GABRB1: variants seen among roughly 807,000 people sequenced by gnomAD.
The protein encoded by GABRB1 is gamma-aminobutyric acid type A receptor subunit beta1.
In GABRB1, 17 loss-of-function variants were observed where a neutral mutation model predicts 51.6. The observed-to-expected ratio is 0.33, with a 90% CI of 0.23 to 0.49. The LOEUF (loss-of-function observed/expected upper bound fraction) is 0.49. GABRB1 is among the 20% of genes least tolerant of loss of function. The pLI is 0.99. For missense variants in GABRB1, 410 were observed against 600.6 expected (o/e 0.68, Z 3.32); for synonymous variants, 247 against 218.9 (o/e 1.13, Z -1.14).
chr4:47,313,362 T>A (rs1485712629), intron 4 of GABRB1, among the ~76,000 whole-genome samples: 1 of 152,160 alleles, frequency 6.6e-6, no homozygotes, highest in African/African-American at 2.4e-5. Flanking sequence ...AAAGACAGAA[T>A]TAACAATTCA....
chr4:47,034,392 A>G lies in GABRB1; in HGVS notation c.240+1908A>G, dbSNP rs904502377. Among the ~76,000 whole-genome samples, 11 of 152,266 alleles carry G rather than the reference A, an allele frequency of 7.2e-5. No homozygotes were observed. The East Asian group carries it at 2.1e-3, about 29-fold the overall frequency. On this transcript the variant is annotated intron_variant, in intron 3 of 8. Coordinates refer to ENST00000295454, the MANE Select transcript of GABRB1 (RefSeq NM_000812.4). The stretch of plus-strand genomic sequence containing the variant: ...TCAGAACAAGGATTGACTTTAATTG[A>G]AATACCACTGGACATTTCTTCCTAA...
At position 47,425,665 on chromosome 4, in the gene GABRB1, T is replaced by G. The variant is rs1692639319; in HGVS notation, c.1081-9T>G. 6.3e-7 allele frequency: 1 copy of G among 1,578,128 alleles called. No homozygotes were observed. The highest frequency in any genetic ancestry group is 8.6e-7 in the Non-Finnish European group (1 of 1,161,588). ...AACTTGTGTCCGAGCCTGTTCTTTTTGCCATCAGGTCGACGCCCACGGTAA... is the reference window on the plus strand; with the variant it reads ...AACTTGTGTCCGAGCCTGTTCTTTTGGCCATCAGGTCGACGCCCACGGTAA... On this transcript the variant is annotated splice_polypyrimidine_tract_variant and intron_variant, in intron 8 of 8. Transcript: ENST00000295454.
At chr4:47,350,490 A>T (rs1262135022) in intron 5 of GABRB1, among the ~76,000 whole-genome samples, 1 of 151,860 alleles carries the variant, frequency 6.6e-6, no homozygotes, top group Non-Finnish European at 1.5e-5. Context: ...CCTATGCCTC[A>T]ATTGCTTCAT....
intron 5 of GABRB1, among the ~76,000 whole-genome samples, chr4:47,322,970 A>AAACAACAAC (rs58096811): frequency 4.7e-5 from 7 of 150,040 alleles, no homozygotes; most frequent in Admixed American, 4.7e-4. Flanking sequence ...CTCCATTTCA[A>AAACAACAAC]AACAACAACA....
At chr4:47,078,219 C>T (rs1304911929) in intron 3 of GABRB1, among the ~76,000 whole-genome samples, 1 of 151,476 alleles carries the variant, frequency 6.6e-6, no homozygotes, top group Non-Finnish European at 1.5e-5. Flanking sequence ...GAACTCCCAA[C>T]CTCAGATGAT....
chr4:47,185,120 A>T (rs372511421), intron 4 of GABRB1, among the ~76,000 whole-genome samples: 3 of 151,846 alleles, frequency 2.0e-5, no homozygotes, highest in African/African-American at 4.8e-5. Context: ...TGCATCTGAC[A>T]TTCAGAAAAA....
chr4:47,281,973 G>C (rs1723308494), intron 4 of GABRB1, among the ~76,000 whole-genome samples: 1 of 152,074 alleles, frequency 6.6e-6, no homozygotes, highest in Admixed American at 6.5e-5. Flanking sequence ...GTAATGCATA[G>C]TGATCACGGT....
At chr4:47,182,690 A>T (rs1719002698) in intron 4 of GABRB1, among the ~76,000 whole-genome samples, 1 of 151,994 alleles carries the variant, frequency 6.6e-6, no homozygotes, top group East Asian at 1.9e-4. Flanking sequence ...ACAAAGTTCA[A>T]ATCAGACAAA....
intron 1 of GABRB1, among the ~76,000 whole-genome samples, chr4:47,018,495 CT>C (rs1299818483): frequency 2.6e-5 from 4 of 151,894 alleles, no homozygotes; most frequent in African/African-American, 4.8e-5. Flanking sequence ...TGTAGTTGAC[CT>C]TTTTACAATA....
At chr4:47,005,197 T>C (rs1011342521) in intron 1 of GABRB1, among the ~76,000 whole-genome samples, 7 of 152,204 alleles carry the variant, frequency 4.6e-5, no homozygotes, top group African/African-American at 7.2e-5. Context: ...GGCGGGTGGA[T>C]CACGAGGTCA....
intron 3 of GABRB1, among the ~76,000 whole-genome samples, chr4:47,075,917 A>T (rs1727527911): frequency 6.6e-6 from 1 of 152,154 alleles, no homozygotes; most frequent in Admixed American, 6.5e-5. Flanking sequence ...GCCTGGGTCA[A>T]TCCAGAAATA....
chr4:47,389,100 G>T lies in GABRB1; in HGVS notation c.545-14218G>T, dbSNP rs146848421. Among the ~76,000 whole-genome samples, 875 of 152,164 alleles carry T rather than the reference G, an allele frequency of 5.8e-3. 4 individuals carry two copies. Among genetic ancestry groups the T allele is most frequent in the Middle Eastern group, 0.024 (7 of 294 alleles). On this transcript the variant is annotated intron_variant, in intron 5 of 8. Transcript: ENST00000295454. ...GCTTTGCAAGATTGGGTGTTTGGTGGGCAGGCACACTTGGGGAAGTCACAT... is the reference window on the plus strand; with the variant it reads ...GCTTTGCAAGATTGGGTGTTTGGTGTGCAGGCACACTTGGGGAAGTCACAT...
chr4:47,258,321 C>T (rs3114084), intron 4 of GABRB1, among the ~76,000 whole-genome samples: 97,200 of 151,914 alleles, frequency 0.64, 31,465 homozygotes, highest in South Asian at 0.81. Flanking sequence ...GTTACATATA[C>T]TCTTAGGAGT....
chr4:47,183,950 T>C (rs936507317), intron 4 of GABRB1, among the ~76,000 whole-genome samples: 1 of 151,958 alleles, frequency 6.6e-6, no homozygotes, highest in Non-Finnish European at 1.5e-5. Flanking sequence ...TAGTCTCCCA[T>C]AAGCCCTCAA....
Position 47,378,866 on chromosome 4 carries a change from T to C in GABRB1, c.545-24452T>C, listed in dbSNP as rs73136043. 9.5e-3 allele frequency among the ~76,000 whole-genome samples: 1,441 copies of C among 152,106 alleles called. 25 individuals are homozygous for C. Among genetic ancestry groups the C allele is most frequent in the African/African-American group, 0.033 (1,386 of 41,472 alleles). On this transcript the variant is annotated intron_variant, in intron 5 of 8. Coordinates refer to ENST00000295454, the MANE Select transcript of GABRB1 (RefSeq NM_000812.4). ...AATTGATTTAATTTCACAGAGGAGGTAGCTGAGGCTCAGGGGTTAGAAATG... is the reference window on the plus strand; with the variant it reads ...AATTGATTTAATTTCACAGAGGAGGCAGCTGAGGCTCAGGGGTTAGAAATG...
At chr4:47,330,592 A>G (rs1725442886) in intron 5 of GABRB1, among the ~76,000 whole-genome samples, 2 of 152,162 alleles carry the variant, frequency 1.3e-5, no homozygotes, top group Admixed American at 6.6e-5. Flanking sequence ...TACCACAGAG[A>G]CACTTCAACT....
chr4:47,239,990 A>G (rs894759452), intron 4 of GABRB1, among the ~76,000 whole-genome samples: 1 of 152,122 alleles, frequency 6.6e-6, no homozygotes, highest in African/African-American at 2.4e-5. Context: ...GTCACCACAC[A>G]TGGTGGATTA....
intron 4 of GABRB1, among the ~76,000 whole-genome samples, chr4:47,220,986 C>T (rs1052258496): frequency 3.9e-5 from 6 of 151,966 alleles, no homozygotes; most frequent in South Asian, 2.1e-4. Context: ...AAATGCCAGA[C>T]GTTACCACCT....
chr4:47,290,074 G>C (rs1170834634), intron 4 of GABRB1, among the ~76,000 whole-genome samples: 1 of 152,220 alleles, frequency 6.6e-6, no homozygotes, highest in African/African-American at 2.4e-5. Context: ...TGTGGGGATA[G>C]GATGGAAACT....
Sources: gnomAD v4.1 joint callset for allele counts (sites outside exome capture counted in the v4.1 genomes callset) on GRCh38, gnomAD v4.1.1 for gene constraint, MANE v1.5 for transcripts, NCBI Gene and HGNC (gene_info 2026-07-23, HGNC 2026-07-21) for gene names.